The following ZNF462 variants were observed in gnomAD, a reference collection of about 807,000 sequenced individuals.
ZNF462 encodes zinc finger protein 462.
Under a neutral mutation model 201.9 loss-of-function variants are expected in ZNF462, and 10 were observed. The ratio of observed to expected loss-of-function variants is 0.05; its 90% confidence interval spans 0.03 to 0.08. ZNF462 has a LOEUF of 0.08. Ranked by LOEUF, ZNF462 falls within the 10% of genes least tolerant of loss-of-function variation. The pLI is 1.00. For synonymous variants in ZNF462, 1,227 were observed against 1,193.3 expected (o/e 1.03, Z -0.58); for missense variants, 2,523 against 3,168.3 (o/e 0.80, Z 4.89).
rs1828540680 is a variant in ZNF462, at chr9:106,890,759, C to CA, written c.-31+27406dup. On this transcript the variant is annotated intron_variant, in intron 1 of 12. Transcript: ENST00000277225. The surrounding 1 kb of genome is among the most constrained non-coding windows in gnomAD (Gnocchi z 4.2). ...ACTCGCATCATGCTGTGACATGAAA[C>CA]AATATTGCATCGTAGGGAGTGCATA... Among the ~76,000 whole-genome samples the CA allele has an allele frequency of 6.6e-6, 1 of 152,116 alleles. No homozygotes were observed. Among genetic ancestry groups the CA allele is most frequent in the Non-Finnish European group, 1.5e-5 (1 of 68,028 alleles).
In ZNF462 at chr9:107,005,509, C is replaced by A. The variant is rs1829482801; in HGVS notation, c.7189+2083C>A. Reference sequence around the variant, plus strand: ...TGCCTGCTGGCCATTTGTATGTCTTCTTTTGAGAAATGTCTACTCAGATAG... The same window carrying A: ...TGCCTGCTGGCCATTTGTATGTCTTATTTTGAGAAATGTCTACTCAGATAG... On this transcript the variant is annotated intron_variant, in intron 11 of 12. Transcript: ENST00000277225. The surrounding 1 kb of genome is among the most constrained non-coding windows in gnomAD (Gnocchi z 4.4). 6.6e-6 allele frequency among the ~76,000 whole-genome samples: 1 copy of A among 152,092 alleles called. No homozygotes were observed. Among genetic ancestry groups the A allele is most frequent in the Admixed American group, 6.6e-5 (1 of 15,254 alleles).
chr9:106,980,686 C>T (rs72743709), intron 9 of ZNF462, among the ~76,000 whole-genome samples: 7,130 of 152,260 alleles, frequency 0.047, 225 homozygotes, highest in Non-Finnish European at 0.074. Context: ...CCTGCTGCAG[C>T]ACCAAGCATC....
Position 106,926,361 on chromosome 9 carries a change from C to G in ZNF462, c.2449C>G (p.Leu817Val), listed in dbSNP as rs2131469637. The change falls in exon 3 of 13, where the codon CTG (leucine) becomes GTG (valine). Residue 817 changes from leucine to valine, a missense_variant. Physicochemically the swap from Leu to Val is conservative, Grantham distance 32. Around this residue, in one of 15 missense-constraint regions of ZNF462, gnomAD observed 383 missense variants for 453.4 expected, o/e 0.84. Coordinates refer to ENST00000277225, the MANE Select transcript of ZNF462 (RefSeq NM_021224.6). The surrounding 1 kb of genome is among the most constrained non-coding windows in gnomAD (Gnocchi z 7.9). The stretch of plus-strand genomic sequence containing the variant: ...AGATCACCAAGTTTCCAATACTGCT[C>G]TGCTGAATACCCAAACTCCCATCTA... The part of the protein sequence containing the change: ...LKDHQVSNTA[L>V]LNTQTPIYGT... 1 of 1,614,202 alleles carries G rather than the reference C, an allele frequency of 6.2e-7. No homozygotes were observed. The highest frequency in any genetic ancestry group is 8.5e-7 in the Non-Finnish European group (1 of 1,180,036).
At chr9:106,986,820 T>C (rs1027937876) in intron 10 of ZNF462, among the ~76,000 whole-genome samples, 10 of 152,268 alleles carry the variant, frequency 6.6e-5, no homozygotes, top group Non-Finnish European at 1.2e-4. Context: ...TTAGGCTTTT[T>C]TTCCTGATAG....
rs776547167 is a variant in ZNF462 at position 106,930,729 on chromosome 9, G to A, written c.6012+40G>A. The A allele has an allele frequency of 2.1e-5, 33 of 1,606,982 alleles. No individual in the cohort carries two copies. The South Asian group carries it at 2.2e-4, about 11-fold the overall frequency. On this transcript the variant is annotated intron_variant, in intron 4 of 12. Transcript: ENST00000277225. This position sits in a 1 kb window ranked among gnomAD's most constrained non-coding sequence, Gnocchi z 5.8. ...GTCTGGATGAGCATTGTGTGTGAGC[G>A]ATTCGAGTTACTTATTAACCCCATT...
intron 1 of ZNF462, among the ~76,000 whole-genome samples, chr9:106,892,617 A>C (rs968738926): frequency 3.3e-5 from 5 of 152,160 alleles, no homozygotes; most frequent in Non-Finnish European, 7.4e-5. Flanking sequence ...CTGGTTTTAT[A>C]TAGTTTAACA....
rs1423284453 is a variant in ZNF462 at position 106,890,463 on chromosome 9, A to C, written c.-31+27108A>C. On this transcript the variant is annotated intron_variant, in intron 1 of 12. Coordinates refer to ENST00000277225, the MANE Select transcript of ZNF462 (RefSeq NM_021224.6). The surrounding 1 kb of genome is among the most constrained non-coding windows in gnomAD (Gnocchi z 4.2). ...ATCTAGCACTTGAAGCCACTTAATC[A>C]AATATCATATCCACACACCTGCAGT... Among the ~76,000 whole-genome samples the C allele has an allele frequency of 1.3e-5, 2 of 152,170 alleles. No individual in the cohort carries two copies. The highest frequency in any genetic ancestry group is 2.9e-5 in the Non-Finnish European group (2 of 68,032).
At chr9:106,996,167 A>G (rs1287083172) in intron 10 of ZNF462, among the ~76,000 whole-genome samples, 4 of 152,184 alleles carry the variant, frequency 2.6e-5, no homozygotes, top group Admixed American at 1.3e-4. Context: ...ATGGCTGCAT[A>G]GTATTCCATG....
At chr9:106,952,168 C>T (rs1466551044) in intron 7 of ZNF462, among the ~76,000 whole-genome samples, 1 of 152,092 alleles carries the variant, frequency 6.6e-6, no homozygotes, top group African/African-American at 2.4e-5. Flanking sequence ...AATGTACAGC[C>T]TTAGGTAGAG....
intron 10 of ZNF462, among the ~76,000 whole-genome samples, chr9:106,987,035 A>G (rs549401737): frequency 6.9e-6 from 1 of 144,740 alleles, no homozygotes; most frequent in African/African-American, 2.5e-5. Flanking sequence ...ATAGATAGAT[A>G]GATATCACAG....
intron 11 of ZNF462, among the ~76,000 whole-genome samples, chr9:107,007,627 T>C (rs1382766070): frequency 6.6e-6 from 1 of 152,160 alleles, no homozygotes; most frequent in African/African-American, 2.4e-5. Flanking sequence ...CATCTCTCCT[T>C]TGAATAGACC....
chr9:106,896,464 C>T (rs796101051), intron 1 of ZNF462, among the ~76,000 whole-genome samples: 9 of 152,284 alleles, frequency 5.9e-5, no homozygotes, highest in African/African-American at 2.2e-4. Flanking sequence ...CATGGCGTCT[C>T]AGATTTCCCA....
At position 106,942,215 on chromosome 9, in the gene ZNF462, G is replaced by A. The variant is rs564979402; in HGVS notation, c.6427+3108G>A. Among the ~76,000 whole-genome samples, 15 of 152,304 alleles carry A rather than the reference G, an allele frequency of 9.8e-5. 1 individual carries two copies. Among genetic ancestry groups the A allele is most frequent in the African/African-American group, 3.1e-4 (13 of 41,574 alleles). ...TATTTGCAGTGGTCAAATGCTTGCC[G>A]TCTTGAGAGTGAGCCAGTCTTCTCT... On this transcript the variant is annotated intron_variant, in intron 7 of 12. Coordinates refer to ENST00000277225, the MANE Select transcript of ZNF462 (RefSeq NM_021224.6).
intron 1 of ZNF462, among the ~76,000 whole-genome samples, chr9:106,922,480 T>A (rs1564099864): frequency 6.6e-6 from 1 of 152,208 alleles, no homozygotes; most frequent in African/African-American, 2.4e-5. Flanking sequence ...ATGTGCTTCA[T>A]GTTTGTAAAG....
rs1446621309 is a variant in ZNF462, at chr9:106,954,716, AT to A, written c.6427+15611del. 1.3e-5 allele frequency among the ~76,000 whole-genome samples: 2 copies of A among 151,478 alleles called. No individual in the cohort carries two copies. Among genetic ancestry groups the A allele is most frequent in the Non-Finnish European group, 2.9e-5 (2 of 67,892 alleles). The stretch of plus-strand genomic sequence containing the variant: ...ACCTGTCTTTCAAAGCCACTTGCAA[AT>A]TCCTTCATTTCTGTGATGCAACAGT... On this transcript the variant is annotated intron_variant, in intron 7 of 12. Transcript: ENST00000277225. The surrounding 1 kb of genome is among the most constrained non-coding windows in gnomAD (Gnocchi z 4.0).
intron 10 of ZNF462, among the ~76,000 whole-genome samples, chr9:106,997,872 CA>C (rs910311384): frequency 6.6e-6 from 1 of 151,940 alleles, no homozygotes; most frequent in African/African-American, 2.4e-5. Context: ...GAAAAAGTAT[CA>C]AAAAAATTGT....
chr9:106,934,082 C>T (rs920879464), intron 5 of ZNF462, among the ~76,000 whole-genome samples: 1 of 152,064 alleles, frequency 6.6e-6, no homozygotes, highest in Non-Finnish European at 1.5e-5. Context: ...TTGCATCTCA[C>T]TATATACCAG....
chr9:106,925,406 T>G lies in ZNF462; in HGVS notation c.1494T>G (p.Asp498Glu). The G allele has an allele frequency of 6.2e-7, 1 of 1,614,182 alleles. No homozygotes were observed. ...HKQCHTGTTSDWDAVNSQSES... is the reference protein window; with the variant it reads ...HKQCHTGTTSEWDAVNSQSES... ...AGTGTCACACGGGTACAACGTCAGA[T>G]TGGGATGCTGTGAATTCCCAGAGTG... Residue 498 changes from aspartate (D) to glutamate (E), a missense_variant, in exon 3 of 13, where the codon GAT (aspartate) becomes GAG (glutamate). By Grantham distance (45) the Asp-to-Glu change is conservative. This residue lies in a region of ZNF462 where 383 missense variants were observed against 453.4 expected (regional missense o/e 0.84). Transcript: ENST00000277225. This position sits in a 1 kb window ranked among gnomAD's most constrained non-coding sequence, Gnocchi z 7.9.
intron 7 of ZNF462, among the ~76,000 whole-genome samples, chr9:106,941,985 AAT>A (rs1448786806): frequency 1.3e-5 from 2 of 152,200 alleles, no homozygotes; most frequent in Non-Finnish European, 2.9e-5. Flanking sequence ...TGCACATTTT[AAT>A]AGAGAGAAGC....
Sources: gnomAD v4.1 joint callset for allele counts (sites outside exome capture counted in the v4.1 genomes callset) on GRCh38, gnomAD v4.1.1 for gene constraint, gnomAD v4.1.1 regional missense constraint, Gnocchi (gnomAD v3.1) non-coding constraint, MANE v1.5 for transcripts, NCBI Gene and HGNC (gene_info 2026-07-23, HGNC 2026-07-21) for gene names.